EPS8: variants seen among roughly 807,000 people sequenced by gnomAD.
EPS8 encodes EGFR pathway substrate 8, signaling adaptor.
Under a neutral mutation model 103.8 loss-of-function variants are expected in EPS8, and 42 were observed. The ratio of observed to expected loss-of-function variants is 0.40; its 90% CI spans 0.32 to 0.52. The LOEUF (loss-of-function observed/expected upper bound fraction) is 0.52, where lower values mean the gene tolerates loss of function less well. Among genes scored for constraint, EPS8 ranks in the 20% least tolerant of loss-of-function variants. EPS8 has a pLI of 0.40. For synonymous variants in EPS8, 344 were observed against 344.6 expected (o/e 1.00, Z 0.02); for missense variants, 969 against 1,005.1 (o/e 0.96, Z 0.49).
chr12:15,658,096 A>G lies in EPS8; in HGVS notation c.1084T>C (p.Phe362Leu). 1 of 1,604,770 alleles carries G rather than the reference A, an allele frequency of 6.2e-7. No individual in the cohort carries two copies. The highest frequency in any genetic ancestry group is 1.3e-5 in the African/African-American group (1 of 74,850). ...PSAADLVHFL[F>L]TPLNMVVQAT... ...AATCTCACCATATTTAATGGAGTAAACAAAAAGTGAACCAAATCTGCAGCA... is the reference window on the plus strand; with the variant it reads ...AATCTCACCATATTTAATGGAGTAAGCAAAAAGTGAACCAAATCTGCAGCA... The change falls in exon 12 of 21, where the codon TTT (phenylalanine) becomes CTT (leucine). Residue 362 changes from phenylalanine (F) to leucine (L), a missense_variant. Physicochemically the swap from Phe to Leu is conservative, Grantham distance 22. Coordinates refer to ENST00000281172, the MANE Select transcript of EPS8 (RefSeq NM_004447.6).
intron 1 of EPS8, among the ~76,000 whole-genome samples, chr12:15,699,848 C>T (rs1053114535): frequency 2.6e-5 from 4 of 152,092 alleles, no homozygotes; most frequent in Non-Finnish European, 5.9e-5. Context: ...CCTCAATTCC[C>T]ACCCCTTTTT....
intron 3 of EPS8, among the ~76,000 whole-genome samples, chr12:15,678,832 T>A (rs1945953733): frequency 1.3e-5 from 2 of 148,642 alleles, no homozygotes; most frequent in South Asian, 4.2e-4. Context: ...GAGAATCGCT[T>A]GAACCCTGGA....
At chr12:15,732,061 C>T (rs1946722796) in intron 1 of EPS8, among the ~76,000 whole-genome samples, 1 of 152,134 alleles carries the variant, frequency 6.6e-6, no homozygotes, top group African/African-American at 2.4e-5. Context: ...TGAAACTACG[C>T]ATTTCATAAA....
chr12:15,712,414 A>G (rs1946477631), intron 1 of EPS8, among the ~76,000 whole-genome samples: 1 of 152,234 alleles, frequency 6.6e-6, no homozygotes, highest in African/African-American at 2.4e-5. Flanking sequence ...TGTGTAAACA[A>G]TCCAAAGCAG....
chr12:15,624,477 A>G (rs1944912312), intron 18 of EPS8, 70 bp from the exon 19 acceptor site: 4 of 1,208,198 alleles, frequency 3.3e-6, no homozygotes, highest in Admixed American at 4.6e-5. Context: ...TAGAACCCCA[A>G]TCTCTATAAT....
chr12:15,777,130 T>C lies in EPS8; in HGVS notation c.-22+12031A>G, dbSNP rs1227326969. ...GACATTGGAGGTAAGATGAAGTCAC[T>C]TTTATATCTATTTTAAGATTCTTTA... is the stretch of plus-strand genomic sequence containing the variant. On this transcript the variant is annotated intron_variant, in intron 1 of 20. Coordinates refer to ENST00000281172, the MANE Select transcript of EPS8 (RefSeq NM_004447.6). This position sits in a 1 kb window ranked among gnomAD's most constrained non-coding sequence, Gnocchi z 4.7. Among the ~76,000 whole-genome samples, 2 of 152,136 alleles carry C rather than the reference T, an allele frequency of 1.3e-5. No individual in the cohort carries two copies. Among genetic ancestry groups the C allele is most frequent in the Non-Finnish European group, 2.9e-5 (2 of 68,028 alleles).
intron 1 of EPS8, among the ~76,000 whole-genome samples, chr12:15,691,375 T>C (rs1350191896): frequency 1.3e-5 from 2 of 151,900 alleles, no homozygotes; most frequent in African/African-American, 2.4e-5. Flanking sequence ...GTCCCATTTC[T>C]ACCAATAAAA....
In EPS8 at chr12:15,752,668, T is replaced by C. The variant is rs1348826668; in HGVS notation, c.-22+36493A>G. On this transcript the variant is annotated intron_variant, in intron 1 of 20. Transcript: ENST00000281172. The surrounding 1 kb of genome is among the most constrained non-coding windows in gnomAD (Gnocchi z 4.4). ...CCAATGGGTATGATTTCCCTTCTCC[T>C]GCTCAGGAGGTAGAGGAGATGGGCC... Among the ~76,000 whole-genome samples the C allele has an allele frequency of 6.6e-6, 1 of 152,038 alleles. No individual in the cohort carries two copies. The highest frequency in any genetic ancestry group is 2.4e-5 in the African/African-American group (1 of 41,370).
intron 1 of EPS8, among the ~76,000 whole-genome samples, chr12:15,710,162 GA>G (rs1394964487): frequency 6.6e-6 from 1 of 152,112 alleles, no homozygotes; most frequent in African/African-American, 2.4e-5. Flanking sequence ...GTGAAATAAA[GA>G]AAAATTACTT....
At chr12:15,766,542 A>C (rs545768237) in intron 1 of EPS8, among the ~76,000 whole-genome samples, 23 of 150,768 alleles carry the variant, frequency 1.5e-4, no homozygotes, top group Non-Finnish European at 1.8e-4. Context: ...TTGGGAGCTA[A>C]TGTGGGGCTC....
rs1346433970 is a variant in EPS8 at position 15,762,132 on chromosome 12, T to A, written c.-22+27029A>T. ...TCAAAAAATGGGCAAAATATTTGAA[T>A]AGAAATTTCTCAAAGGAAGACATAC... On this transcript the variant is annotated intron_variant, in intron 1 of 20. Coordinates refer to ENST00000281172, the MANE Select transcript of EPS8 (RefSeq NM_004447.6). This position sits in a 1 kb window ranked among gnomAD's most constrained non-coding sequence, Gnocchi z 4.8. 1.3e-5 allele frequency among the ~76,000 whole-genome samples: 2 copies of A among 152,122 alleles called. No homozygotes were observed. The highest frequency in any genetic ancestry group is 4.8e-5 in the African/African-American group (2 of 41,428).
rs564286723 is a variant in EPS8 at position 15,655,512 on chromosome 12, T to C, written c.1102-1219A>G. ...TGGTACTGGAATGAATGAAAAAAGATGGCAGATAACGGAGGAAAGCTAACT... is the reference window on the plus strand; with the variant it reads ...TGGTACTGGAATGAATGAAAAAAGACGGCAGATAACGGAGGAAAGCTAACT... On this transcript the variant is annotated intron_variant, in intron 12 of 20. Transcript: ENST00000281172. Among the ~76,000 whole-genome samples the C allele has an allele frequency of 3.9e-5, 6 of 152,328 alleles. No homozygotes were observed. In the South Asian group the frequency reaches 1.2e-3, roughly 32 times the overall value.
chr12:15,774,543 A>T (rs1379647752), intron 1 of EPS8, among the ~76,000 whole-genome samples: 1 of 149,298 alleles, frequency 6.7e-6, no homozygotes, highest in Non-Finnish European at 1.5e-5. Context: ...GAAAGGTTAC[A>T]GGTTTGTTAT....
At chr12:15,707,952 C>T (rs920846244) in intron 1 of EPS8, among the ~76,000 whole-genome samples, 1 of 152,080 alleles carries the variant, frequency 6.6e-6, no homozygotes, top group Non-Finnish European at 1.5e-5. Context: ...GTATAAGCCC[C>T]AGGAAAAAAA....
chr12:15,778,060 A>C lies in EPS8; in HGVS notation c.-22+11101T>G, dbSNP rs1446776777. On this transcript the variant is annotated intron_variant, in intron 1 of 20. Coordinates refer to ENST00000281172, the MANE Select transcript of EPS8 (RefSeq NM_004447.6). This position sits in a 1 kb window ranked among gnomAD's most constrained non-coding sequence, Gnocchi z 4.5. ...CTGCAAACATAGCAAACATACAAAT[A>C]TACAAAAAATATAGACCTTATTCCT... Among the ~76,000 whole-genome samples, 1 of 152,248 alleles carries C rather than the reference A, an allele frequency of 6.6e-6. No individual in the cohort carries two copies. Among genetic ancestry groups the C allele is most frequent in the Non-Finnish European group, 1.5e-5 (1 of 68,042 alleles).
chr12:15,681,235 C>A lies in EPS8; in HGVS notation c.127G>T (p.Ala43Ser), dbSNP rs1448396978. ...REHGSKTSAK[A>S]LYEQRKNYAR... Reference sequence around the variant, plus strand: ...AAATAAACAAACCTACCATAAAGGGCCTTTGCACTTGTTTTTGAACCATGT... The same window carrying A: ...AAATAAACAAACCTACCATAAAGGGACTTTGCACTTGTTTTTGAACCATGT... The change falls in exon 3 of 21, where the codon GCC (alanine) becomes TCC (serine). Residue 43 changes from alanine to serine, a missense_variant. Physicochemically the swap from Ala to Ser is moderately conservative, Grantham distance 99 (BLOSUM62 1). Transcript: ENST00000281172. The A allele has an allele frequency of 1.9e-6, 3 of 1,560,462 alleles. No individual in the cohort carries two copies. The highest frequency in any genetic ancestry group is 2.4e-5 in the South Asian group (2 of 84,158).
rs1333735076 is a variant in EPS8, at chr12:15,778,917, A to G, written c.-22+10244T>C. On this transcript the variant is annotated intron_variant, in intron 1 of 20. Coordinates refer to ENST00000281172, the MANE Select transcript of EPS8 (RefSeq NM_004447.6). This position sits in a 1 kb window ranked among gnomAD's most constrained non-coding sequence, Gnocchi z 4.5. ...TTACTCACAAAATTAATTTCAAGAA[A>G]TCCAAGTCCCCAAAAAAGAAGGCAA... 2.0e-5 allele frequency among the ~76,000 whole-genome samples: 3 copies of G among 152,204 alleles called. No homozygotes were observed. Among genetic ancestry groups the G allele is most frequent in the Non-Finnish European group, 4.4e-5 (3 of 68,040 alleles).
At chr12:15,668,650 C>T (rs1270310231) in intron 6 of EPS8, among the ~76,000 whole-genome samples, 2 of 152,166 alleles carry the variant, frequency 1.3e-5, no homozygotes, top group Non-Finnish European at 2.9e-5. Flanking sequence ...CTGGGAATTA[C>T]AAATCCTGAG....
intron 10 of EPS8, 25 bp from the exon 11 acceptor site, chr12:15,658,610 G>C: frequency 6.8e-7 from 1 of 1,474,624 alleles, no homozygotes. Context: ...GAGAGGAGAG[G>C]ATCAGAGCAA....
Sources: allele counts gnomAD v4.1 joint callset (sites outside exome capture counted in the v4.1 genomes callset), GRCh38; gene constraint gnomAD v4.1.1; non-coding constraint Gnocchi (gnomAD v3.1); transcripts MANE v1.5; gene names NCBI Gene and HGNC (gene_info 2026-07-23, HGNC 2026-07-21).